The following COL11A1 variants were observed in gnomAD, a reference collection of about 807,000 sequenced individuals.
The protein encoded by COL11A1 is collagen type XI alpha 1 chain, also known as collagen alpha-1(XI) chain.
In COL11A1, 74 loss-of-function variants were observed where a neutral mutation model predicts 265.2. That is an observed-to-expected ratio of 0.28 (90% CI 0.23 to 0.34). The LOEUF (loss-of-function observed/expected upper bound fraction) is 0.34, where lower values mean the gene tolerates loss of function less well. COL11A1 is among the 10% of genes least tolerant of loss of function. COL11A1 has a pLI of 1.00. For synonymous variants in COL11A1, 816 were observed against 727.6 expected (o/e 1.12, Z -1.96); for missense variants, 2,165 against 2,263.6 (o/e 0.96, Z 0.88).
intron 4 of COL11A1, among the ~76,000 whole-genome samples, chr1:103,065,002 A>G (rs1670987863): frequency 6.6e-6 from 1 of 152,200 alleles, no homozygotes; most frequent in Non-Finnish European, 1.5e-5. Flanking sequence ...CTACACTCTT[A>G]GAATGTACAA....
chr1:102,969,311 G>A (rs1301099465), intron 37 of COL11A1, among the ~76,000 whole-genome samples: 4 of 152,070 alleles, frequency 2.6e-5, no homozygotes, highest in African/African-American at 7.2e-5. Context: ...ATTTATTATA[G>A]TACATTGCTA....
intron 41 of COL11A1, among the ~76,000 whole-genome samples, chr1:102,948,071 A>T (rs909253073): frequency 6.6e-6 from 1 of 151,966 alleles, no homozygotes; most frequent in East Asian, 1.9e-4. Context: ...ATTATACTTA[A>T]TGATATATTA....
chr1:102,913,638 G>A lies in COL11A1; in HGVS notation c.4031C>T (p.Pro1344Leu), dbSNP rs528959090. The A allele has an allele frequency of 2.5e-5, 40 of 1,612,970 alleles. No individual in the cohort carries two copies. The highest frequency in any genetic ancestry group is 8.8e-5 in the South Asian group (8 of 91,050). ...DKGEDGDPGQPGPPGPSGEAG... is the reference protein window; with the variant it reads ...DKGEDGDPGQLGPPGPSGEAG... ...AAATAAATTAGTGCATTTACTCACC[G>A]GTTGACCAGGATCTCCATCTTCACC... The change falls in exon 53 of 67, where the codon CCG becomes CTG. Residue 1344 changes from proline (P) to leucine (L), a missense_variant and splice_region_variant. Transcript: ENST00000370096.
At chr1:102,985,737 T>C (rs189559825) in intron 30 of COL11A1, among the ~76,000 whole-genome samples, 69 of 152,242 alleles carry the variant, frequency 4.5e-4, no homozygotes, top group African/African-American at 1.5e-3. Flanking sequence ...TTTATCACAA[T>C]AGCTTGTGTG....
At chr1:102,928,874 T>C (rs1656988637) in intron 46 of COL11A1, among the ~76,000 whole-genome samples, 1 of 116,702 alleles carries the variant, frequency 8.6e-6, no homozygotes, top group Non-Finnish European at 1.9e-5. Context: ...CATGTGTTTT[T>C]TGGCTGCATA....
intron 37 of COL11A1, among the ~76,000 whole-genome samples, chr1:102,967,579 G>T (rs1661569378): frequency 6.6e-6 from 1 of 152,084 alleles, no homozygotes; most frequent in Admixed American, 6.5e-5. Context: ...CAAAGTTCTA[G>T]CCAATAGGGG....
chr1:102,964,872 C>A (rs1661258844), intron 38 of COL11A1, among the ~76,000 whole-genome samples: 1 of 152,124 alleles, frequency 6.6e-6, no homozygotes, highest in South Asian at 2.1e-4. Context: ...CCATGAATTA[C>A]TCTTTGTAGT....
At chr1:102,914,257 C>T in intron 52 of COL11A1, 95 bp downstream of exon 52, 2 of 956,848 alleles carry the variant, frequency 2.1e-6, no homozygotes, top group Admixed American at 2.3e-5. Context: ...TTTGGGAGTT[C>T]ACTTAGGTTA....
chr1:103,074,768 T>C lies in COL11A1; in HGVS notation c.501A>G (p.Val167=), dbSNP rs2102282052. The C allele has an allele frequency of 1.2e-6, 2 of 1,613,232 alleles. No individual in the cohort carries two copies. Among genetic ancestry groups the C allele is most frequent in the Non-Finnish European group, 1.7e-6 (2 of 1,179,526 alleles). ...VNIADGKWHR[V]AISVEKKTVT... is the part of the protein sequence containing the mutation. ...CAGTTTTCTTCTCCACGCTGATTGC[T>C]ACCCGATGCCACCTAAAAAAGACAA... The change falls in exon 4 of 67, where the codon GTA becomes GTG. Residue 167 remains valine (V), a synonymous_variant. Coordinates refer to ENST00000370096, the MANE Select transcript of COL11A1 (RefSeq NM_001854.4).
At chr1:102,887,547 T>G (rs1047204236) in intron 62 of COL11A1, among the ~76,000 whole-genome samples, 4 of 152,168 alleles carry the variant, frequency 2.6e-5, no homozygotes, top group African/African-American at 7.2e-5. Flanking sequence ...GTGACTTAAA[T>G]CATTATAAAT....
intron 4 of COL11A1, 68 bp from the exon 5 acceptor site, chr1:103,031,312 C>T (rs1314965327): frequency 2.6e-6 from 4 of 1,534,718 alleles, no homozygotes; most frequent in African/African-American, 2.8e-5. Context: ...TACACATATA[C>T]CAAAGCGAGA....
chr1:102,943,592 C>T (rs1658967754), intron 42 of COL11A1, among the ~76,000 whole-genome samples: 1 of 152,030 alleles, frequency 6.6e-6, no homozygotes, highest in Non-Finnish European at 1.5e-5. Context: ...TCTCTCAACA[C>T]TACATCACGT....
intron 37 of COL11A1, among the ~76,000 whole-genome samples, chr1:102,966,304 G>T (rs1395657510): frequency 6.6e-6 from 1 of 152,072 alleles, no homozygotes; most frequent in Non-Finnish European, 1.5e-5. Context: ...AATATTGGGA[G>T]AAGTTTCGAA....
chr1:103,080,463 A>G (rs1223658778), intron 2 of COL11A1, among the ~76,000 whole-genome samples: 1 of 152,022 alleles, frequency 6.6e-6, no homozygotes, highest in East Asian at 1.9e-4. Context: ...AGGAACTCAA[A>G]CAACTCAATA....
intron 6 of COL11A1, chr1:103,025,929 C>G: frequency 1.2e-6 from 2 of 1,612,218 alleles, no homozygotes; most frequent in Non-Finnish European, 1.7e-6. Context: ...TCCTCATCTT[C>G]TTTTTGAAAT....
At chr1:103,033,465 A>G (rs115469795) in intron 4 of COL11A1, among the ~76,000 whole-genome samples, 1,610 of 152,146 alleles carry the variant, frequency 0.011, 27 homozygotes, top group African/African-American at 0.037. Flanking sequence ...ATTAATACTA[A>G]CTTCATGTCA....
rs754255266 is a variant in COL11A1, at chr1:103,108,074, T to G, written c.105A>C (p.Gly35=). ...TFLFQAREVR[G]AAPVDVLKAL... is the part of the protein sequence containing the mutation. The stretch of plus-strand genomic sequence containing the variant: ...CTCCCCAAATCCATTTTTTCTTACC[T>G]CCTCTGACCTCTCTAGCTTGGAAGA... Residue 35 remains glycine (G), a splice_region_variant and synonymous_variant, in exon 1 of 67, where the codon GGA becomes GGC. Coordinates refer to ENST00000370096, the MANE Select transcript of COL11A1 (RefSeq NM_001854.4). The G allele has an allele frequency of 3.8e-5, 62 of 1,612,474 alleles. No homozygotes were observed. The highest frequency in any genetic ancestry group is 4.7e-5 in the Non-Finnish European group (56 of 1,179,356).
intron 46 of COL11A1, among the ~76,000 whole-genome samples, chr1:102,932,089 T>G (rs1321230611): frequency 6.6e-6 from 1 of 151,218 alleles, no homozygotes; most frequent in Admixed American, 6.6e-5. Context: ...TTAGTCCATT[T>G]ACATTTAAAG....
In COL11A1 at chr1:102,940,217, A is replaced by T. The variant is rs982703475; in HGVS notation, c.3384+110T>A. 3 of 871,298 alleles carry T rather than the reference A, an allele frequency of 3.4e-6. No homozygotes were observed. The East Asian group carries it at 7.5e-5, about 22-fold the overall frequency. 54.0% of individuals were successfully genotyped at this position (871,298 alleles called of 1,614,324 possible). Reference sequence around the variant, plus strand: ...TGAAAATGTGTGTGAAACTTTGAAAAAGGTAACCTTTCACCTGGCGCCTAA... The same window carrying T: ...TGAAAATGTGTGTGAAACTTTGAAATAGGTAACCTTTCACCTGGCGCCTAA... On this transcript the variant is annotated intron_variant, in intron 43 of 66. Transcript: ENST00000370096.
Sources: allele counts gnomAD v4.1 joint callset (sites outside exome capture counted in the v4.1 genomes callset), GRCh38; gene constraint gnomAD v4.1.1; transcripts MANE v1.5; gene names NCBI Gene and HGNC (gene_info 2026-07-23, HGNC 2026-07-21).